The following PFAS variants were observed in gnomAD, a reference collection of about 807,000 sequenced individuals.
The protein encoded by PFAS is phosphoribosylformylglycinamidine synthase, also known as FGAM synthase.
A neutral mutation model predicts 140.6 loss-of-function variants in PFAS; 97 were observed. The ratio of observed to expected loss-of-function variants is 0.69; its 90% confidence interval spans 0.59 to 0.82. PFAS has a LOEUF of 0.82. Ranked by LOEUF, PFAS falls within the 40% of genes least tolerant of loss-of-function variation. The pLI is 0.00. For synonymous variants in PFAS, 679 were observed against 718.8 expected (o/e 0.94, Z 0.88); for missense variants, 1,656 against 1,780.2 (o/e 0.93, Z 1.26).
Position 8,265,424 on chromosome 17 carries a change from T to A in PFAS, c.2417T>A (p.Leu806His). ...GCAGTGGATGGTGGCAAGGACTCCC[T>A]CAGCATGGCTGCTCGGGTTGGCACT... ...GVAVDGGKDS[L>H]SMAARVGTET... Residue 806 changes from leucine to histidine, a missense_variant, in exon 19 of 28, where the codon CTC becomes CAC. Transcript: ENST00000314666. The A allele has an allele frequency of 6.2e-7, 1 of 1,614,080 alleles. No individual in the cohort carries two copies. Among genetic ancestry groups the A allele is most frequent in the South Asian group, 1.1e-5 (1 of 91,076 alleles).
At chr17:8,257,315 G>A (rs1989409120) in intron 9 of PFAS, among the ~76,000 whole-genome samples, 1 of 151,954 alleles carries the variant, frequency 6.6e-6, no homozygotes, top group African/African-American at 2.4e-5. Context: ...CCAGCACTTT[G>A]GGAGGCTGAG....
intron 8 of PFAS, 48 bp downstream of exon 8, chr17:8,256,696 G>T: frequency 6.2e-7 from 1 of 1,604,630 alleles, no homozygotes; most frequent in South Asian, 1.1e-5. Context: ...GAATAGGGTA[G>T]GGCAAAGGTC....
chr17:8,255,605 C>T lies in PFAS; in HGVS notation c.488C>T (p.Pro163Leu), dbSNP rs1219723189. 6.3e-7 allele frequency: 1 copy of T among 1,582,998 alleles called. No individual in the cohort carries two copies. The highest frequency in any genetic ancestry group is 1.9e-5 in the Admixed American group (1 of 53,868). Residue 163 changes from proline to leucine, a missense_variant, in exon 5 of 28, where the codon CCT becomes CTT. Physicochemically the swap from Pro to Leu is moderately conservative, Grantham distance 98. Coordinates refer to ENST00000314666, the MANE Select transcript of PFAS (RefSeq NM_012393.3). ...HFPHPIQSFS[P>L]ESMPEPLNGP... ...CCCCATCCCATCCAGAGTTTCTCCC[C>T]TGAGAGCATGCCGGAACCCCTCAAT...
chr17:8,261,322 C>T (rs1350971116), intron 11 of PFAS, among the ~76,000 whole-genome samples: 15 of 151,618 alleles, frequency 9.9e-5, no homozygotes, highest in Non-Finnish European at 1.9e-4. Context: ...CTGCAACCTC[C>T]GCCTCCCGGG....
At chr17:8,264,796 A>G (rs1989742856) in intron 17 of PFAS, 99 bp from the exon 18 acceptor site, 7 of 1,016,396 alleles carry the variant, frequency 6.9e-6, no homozygotes, top group Non-Finnish European at 8.6e-6. Flanking sequence ...ATTGGGGGAA[A>G]GACAGGCCTC....
In PFAS at chr17:8,267,250, G is replaced by C. The variant is rs774850376; in HGVS notation, c.3175+15G>C. 107 of 1,603,896 alleles carry C rather than the reference G, an allele frequency of 6.7e-5. No individual in the cohort carries two copies. Among genetic ancestry groups the C allele is most frequent in the Non-Finnish European group, 9.0e-5 (105 of 1,172,442 alleles). On this transcript the variant is annotated intron_variant, in intron 24 of 27. Transcript: ENST00000314666. The surrounding 1 kb of genome is among the most constrained non-coding windows in gnomAD (Gnocchi z 4.9). ...CCGTGAGCCTGGTGAGGGAGTGTGT[G>C]CAGAGGCTCCGCGTCCTGGGGGCAC...
intron 10 of PFAS, 62 bp from the exon 11 acceptor site, chr17:8,258,009 T>C (rs889984334): frequency 2.7e-4 from 442 of 1,612,346 alleles, no homozygotes; most frequent in Non-Finnish European, 3.6e-4. Flanking sequence ...ACCCAGGGGC[T>C]GTGCTATTGG....
At chr17:8,252,995 CATGACCTA>C (rs1989218418) in intron 1 of PFAS, among the ~76,000 whole-genome samples, 1 of 152,178 alleles carries the variant, frequency 6.6e-6, no homozygotes, top group Non-Finnish European at 1.5e-5. Context: ...GTTCCACTTT[CATGACCTA>C]ATTACGTCCC....
chr17:8,248,007 G>C, upstream of PFAS: 1 of 1,607,824 alleles, frequency 6.2e-7, no homozygotes, highest in Non-Finnish European at 8.5e-7. Flanking sequence ...CACTCACGGA[G>C]GAAGGGACCT....
At chr17:8,262,834 G>A (rs997771833) in intron 11 of PFAS, 86 bp from the exon 12 acceptor site, 2 of 1,024,960 alleles carry the variant, frequency 2.0e-6, no homozygotes, top group Admixed American at 1.8e-5. Context: ...CCTAACATCA[G>A]CTTCCTCTGT....
intron 20 of PFAS, 59 bp downstream of exon 20, chr17:8,265,698 G>A (rs1394346058): frequency 6.7e-7 from 1 of 1,496,682 alleles, no homozygotes; most frequent in African/African-American, 1.4e-5. Context: ...TTTGGCTCCT[G>A]CTTTGTGAGT....
At position 8,269,255 on chromosome 17, in the gene PFAS, G is replaced by T. The variant is rs1989945754; in HGVS notation, c.4008G>T (p.Gly1336=). ...FINARNWTLE[G]SC is the part of the protein sequence containing the mutation. Reference sequence around the variant, plus strand: ...ATGCCCGAAACTGGACCCTGGAAGGGAGCTGCTGACTGGCCACAGGGGCTC... The same window carrying T: ...ATGCCCGAAACTGGACCCTGGAAGGTAGCTGCTGACTGGCCACAGGGGCTC... Residue 1336 remains glycine (G), a synonymous_variant, in exon 28 of 28, where the codon GGG becomes GGT. Coordinates refer to ENST00000314666, the MANE Select transcript of PFAS (RefSeq NM_012393.3). The T allele has an allele frequency of 1.2e-6, 2 of 1,603,720 alleles. No homozygotes were observed. Among genetic ancestry groups the T allele is most frequent in the African/African-American group, 2.7e-5 (2 of 74,790 alleles).
upstream of PFAS, among the ~76,000 whole-genome samples, chr17:8,248,404 C>T (rs557813166): frequency 4.1e-5 from 3 of 73,170 alleles, no homozygotes; most frequent in Middle Eastern, 6.9e-3. Context: ...CCACCACGCC[C>T]GGCTAATTTT....
rs1989875764 is a variant in PFAS, at chr17:8,267,695, T to TC, written c.3382+35dup. 5.7e-6 allele frequency: 7 copies of TC among 1,218,392 alleles called. No homozygotes were observed. The East Asian group carries it at 1.6e-4, about 29-fold the overall frequency. The allele number at this position is 1,218,392 out of a possible 1,614,324, so 75.5% of individuals were successfully genotyped here. ...GTGTGCAGGCTTCTGCCCACTCCCT[T>TC]CCCCCACATTCCTGAAGAGGTGCCT... is the stretch of plus-strand genomic sequence containing the variant. On this transcript the variant is annotated intron_variant, in intron 26 of 27. Transcript: ENST00000314666. This position sits in a 1 kb window ranked among gnomAD's most constrained non-coding sequence, Gnocchi z 4.9.
At chr17:8,257,003 T>C (rs769773579) in intron 9 of PFAS, 40 bp downstream of exon 9, 2 of 1,609,024 alleles carry the variant, frequency 1.2e-6, no homozygotes, top group African/African-American at 2.7e-5. Flanking sequence ...CCCTTCCAGA[T>C]TCCTTGTCCT....
At chr17:8,257,031 T>C in intron 9 of PFAS, 68 bp downstream of exon 9, 1 of 1,539,866 alleles carries the variant, frequency 6.5e-7, no homozygotes. Flanking sequence ...AGCAAACTTC[T>C]ATCTGTTAGG....
chr17:8,247,912 G>A, upstream of PFAS: 1 of 1,376,376 alleles, frequency 7.3e-7, no homozygotes, highest in Non-Finnish European at 1.0e-6. Context: ...CGGCCAGCGA[G>A]CCCAGAGAGA....
chr17:8,264,268 C>T lies in PFAS; in HGVS notation c.1848C>T (p.Ala616=). 6.2e-7 allele frequency: 1 copy of T among 1,613,842 alleles called. No homozygotes were observed. The highest frequency in any genetic ancestry group is 8.5e-7 in the Non-Finnish European group (1 of 1,179,860). The part of the protein sequence containing the change: ...CPVRRNGQGD[A]PPTPLPTPVD... ...TCAGAAGAAATGGCCAGGGGGATGCCCCCCCGACACCCCTGCCAACCCCTG... is the reference window on the plus strand; with the variant it reads ...TCAGAAGAAATGGCCAGGGGGATGCTCCCCCGACACCCCTGCCAACCCCTG... Residue 616 remains alanine, a synonymous_variant, in exon 16 of 28, where the codon GCC becomes GCT. Transcript: ENST00000314666.
Position 8,264,921 on chromosome 17 carries a change from G to A in PFAS, c.2076G>A (p.Val692=). The change falls in exon 18 of 28, where the codon GTG becomes GTA. Residue 692 remains valine (V), a synonymous_variant. Transcript: ENST00000314666. ...TGGACCGCTCTGTGGGAGGCCTGGT[G>A]GCCCAGCAGCAGTGCGTGGGGCCCC... is the stretch of plus-strand genomic sequence containing the variant. ...NKVDRSVGGL[V]AQQQCVGPLQ... is the part of the protein sequence containing the mutation. 2 of 1,596,628 alleles carry A rather than the reference G, an allele frequency of 1.3e-6. No homozygotes were observed. The highest frequency in any genetic ancestry group is 2.3e-5 in the East Asian group (1 of 44,280).
Sources: gnomAD v4.1 joint callset for allele counts (sites outside exome capture counted in the v4.1 genomes callset) on GRCh38, gnomAD v4.1.1 for gene constraint, Gnocchi (gnomAD v3.1) non-coding constraint, MANE v1.5 for transcripts, NCBI Gene and HGNC (gene_info 2026-07-23, HGNC 2026-07-21) for gene names.